The following XRCC4 variants were observed in gnomAD, a reference collection of about 807,000 sequenced individuals.
The protein encoded by XRCC4 is X-ray repair cross complementing 4, also known as DNA repair protein XRCC4.
In XRCC4, 28 loss-of-function variants were observed where a neutral mutation model predicts 39.1. The observed-to-expected ratio is 0.72, with a 90% CI of 0.53 to 0.98. The LOEUF (loss-of-function observed/expected upper bound fraction) is 0.98. XRCC4 is among the 50% of genes least tolerant of loss of function. XRCC4 has a pLI of 0.00. For missense variants in XRCC4, 350 were observed against 376.4 expected (o/e 0.93, Z 0.58); for synonymous variants, 123 against 126.4 (o/e 0.97, Z 0.18).
chr5:83,153,727 T>C (rs1381127999), intron 3 of XRCC4, among the ~76,000 whole-genome samples: 1 of 152,222 alleles, frequency 6.6e-6, no homozygotes, highest in African/African-American at 2.4e-5. Context: ...TCAATGTCAA[T>C]GATTTTTTTG....
intron 6 of XRCC4, among the ~76,000 whole-genome samples, chr5:83,243,344 G>A (rs1046541507): frequency 3.3e-5 from 5 of 152,198 alleles, no homozygotes; most frequent in African/African-American, 1.2e-4. Context: ...CATTTCTGGA[G>A]ACTGGAAGTG....
chr5:83,298,506 T>C (rs906667161), intron 7 of XRCC4, among the ~76,000 whole-genome samples: 2 of 151,968 alleles, frequency 1.3e-5, no homozygotes, highest in Admixed American at 1.3e-4. Flanking sequence ...TTTATCTCAG[T>C]CTGTTTAATC....
At position 83,148,463 on chromosome 5, in the gene XRCC4, TG is replaced by T. The variant is rs1748559000; in HGVS notation, c.315+37261del. On this transcript the variant is annotated intron_variant, in intron 3 of 7. Transcript: ENST00000396027. ...ATGAATCAACTCAGTTTTGCTCCCCTGTATCAACTGTACTTGGTGGACTTTT... is the reference window on the plus strand; with the variant it reads ...ATGAATCAACTCAGTTTTGCTCCCCTTATCAACTGTACTTGGTGGACTTTT... Among the ~76,000 whole-genome samples, 4 of 152,316 alleles carry T rather than the reference TG, an allele frequency of 2.6e-5. No homozygotes were observed. In the South Asian group the frequency reaches 8.3e-4, roughly 32 times the overall value.
the XRCC4 span, among the ~76,000 whole-genome samples, chr5:83,362,316 A>AAAAAAC: frequency 1.4e-5 from 2 of 145,952 alleles, no homozygotes; most frequent in African/African-American, 5.5e-5. Context: ...AAAAAAAAAA[A>AAAAAAC]AACTATCTCA....
chr5:83,165,062 CATT>C (rs1407635639), intron 3 of XRCC4, among the ~76,000 whole-genome samples: 2 of 151,842 alleles, frequency 1.3e-5, no homozygotes, highest in African/African-American at 4.8e-5. Flanking sequence ...GACTTAATCT[CATT>C]ATAAATAGCA....
At chr5:83,122,805 T>TC (rs1747072456) in intron 3 of XRCC4, among the ~76,000 whole-genome samples, 1 of 152,124 alleles carries the variant, frequency 6.6e-6, no homozygotes, top group Non-Finnish European at 1.5e-5. Flanking sequence ...TTGAATTAAT[T>TC]AGTAGTTTGT....
chr5:83,191,616 C>G (rs886464419), intron 3 of XRCC4, among the ~76,000 whole-genome samples: 1 of 152,320 alleles, frequency 6.6e-6, no homozygotes, highest in East Asian at 1.9e-4. Flanking sequence ...AGGAGAATCA[C>G]TTGAACCCAG....
At chr5:83,118,167 C>T (rs1194007120) in intron 3 of XRCC4, among the ~76,000 whole-genome samples, 1 of 152,042 alleles carries the variant, frequency 6.6e-6, no homozygotes, top group African/African-American at 2.4e-5. Flanking sequence ...TCTTTACCCT[C>T]ATTTCCCCTA....
chr5:83,358,548 G>A (rs535333841), downstream of XRCC4, among the ~76,000 whole-genome samples: 4 of 152,128 alleles, frequency 2.6e-5, no homozygotes, highest in African/African-American at 7.2e-5. Context: ...AAGGCTCTTG[G>A]TTCTGCAGGG....
At chr5:83,295,171 G>A (rs1755051422) in intron 7 of XRCC4, among the ~76,000 whole-genome samples, 1 of 151,720 alleles carries the variant, frequency 6.6e-6, no homozygotes, top group Non-Finnish European at 1.5e-5. Context: ...CTCTCAAGAG[G>A]GACATATAGT....
At chr5:83,368,238 G>A in the XRCC4 span, among the ~76,000 whole-genome samples, 1 of 152,146 alleles carries the variant, frequency 6.6e-6, no homozygotes, top group African/African-American at 2.4e-5. Context: ...CTTGGAAAGC[G>A]TCTTTCTCTC....
chr5:83,147,483 A>C (rs1748510268), intron 3 of XRCC4, among the ~76,000 whole-genome samples: 1 of 152,170 alleles, frequency 6.6e-6, no homozygotes, highest in Non-Finnish European at 1.5e-5. Flanking sequence ...GATTTCACTT[A>C]TATGTGGAAT....
At chr5:83,166,991 C>T (rs931023571) in intron 3 of XRCC4, among the ~76,000 whole-genome samples, 2 of 151,892 alleles carry the variant, frequency 1.3e-5, no homozygotes, top group East Asian at 3.9e-4. Context: ...AAACAATTCT[C>T]CTGCCTCAGC....
intron 7 of XRCC4, among the ~76,000 whole-genome samples, chr5:83,274,365 A>G (rs1284927991): frequency 6.6e-6 from 1 of 152,196 alleles, no homozygotes; most frequent in Non-Finnish European, 1.5e-5. Context: ...TAACTTTTGT[A>G]CCTTCCCTGC....
In XRCC4 at chr5:83,203,698, A is replaced by G. The variant is rs201604424; in HGVS notation, c.629A>G (p.Lys210Arg). 9.3e-5 allele frequency: 150 copies of G among 1,608,350 alleles called. No individual in the cohort carries two copies. The highest frequency in any genetic ancestry group is 1.2e-4 in the Admixed American group (7 of 58,896). Residue 210 changes from lysine to arginine, a missense_variant, in exon 5 of 8, where the codon AAA becomes AGA. Lys to Arg is a conservative substitution (Grantham distance 26, BLOSUM62 2). Coordinates refer to ENST00000396027, the MANE Select transcript of XRCC4 (RefSeq NM_003401.5). ...NAAQEREKDI[K>R]QEGETAICSE... is the part of the protein sequence containing the mutation. The stretch of plus-strand genomic sequence containing the variant: ...GCTCAAGAACGAGAAAAGGACATCA[A>G]ACAAGAAGGGTATTTTCGCTATCTT...
chr5:83,120,529 G>T (rs1746961484), intron 3 of XRCC4, among the ~76,000 whole-genome samples: 1 of 152,182 alleles, frequency 6.6e-6, no homozygotes, highest in Admixed American at 6.5e-5. Flanking sequence ...AATTTCATGT[G>T]AATGGAACTA....
At chr5:83,283,953 G>T (rs1021538272) in intron 7 of XRCC4, among the ~76,000 whole-genome samples, 2 of 145,564 alleles carry the variant, frequency 1.4e-5, no homozygotes, top group African/African-American at 5.0e-5. Context: ...AGCTTGGAGA[G>T]TCTGAAGAAA....
At chr5:83,155,806 G>A (rs535261956) in intron 3 of XRCC4, among the ~76,000 whole-genome samples, 19 of 151,948 alleles carry the variant, frequency 1.3e-4, no homozygotes, top group Non-Finnish European at 2.6e-4. Flanking sequence ...TTAAAAGAAT[G>A]ATTTCTTTCA....
chr5:83,136,634 A>T (rs1747911662), intron 3 of XRCC4, among the ~76,000 whole-genome samples: 1 of 152,186 alleles, frequency 6.6e-6, no homozygotes, highest in South Asian at 2.1e-4. Context: ...TCACTTCAAA[A>T]TTTCAAATTT....
Sources: allele counts gnomAD v4.1 joint callset (sites outside exome capture counted in the v4.1 genomes callset), GRCh38; gene constraint gnomAD v4.1.1; transcripts MANE v1.5; gene names NCBI Gene and HGNC (gene_info 2026-07-23, HGNC 2026-07-21).